The following PLAGL1 variants were observed in gnomAD, a reference collection of about 807,000 sequenced individuals.
PLAGL1 encodes the protein zinc finger protein PLAGL1.
In PLAGL1, 1 loss-of-function variant was observed where a neutral mutation model predicts 4.6. The ratio of observed to expected loss-of-function variants is 0.22; its 90% CI spans 0.08 to 1.03. PLAGL1 has a LOEUF of 1.03. Ranked by LOEUF, PLAGL1 falls within the 50% of genes least tolerant of loss-of-function variation. The probability of loss-of-function intolerance (pLI) is 0.58; values close to 1 mark genes in which losing one functional copy is unlikely to be tolerated. For missense variants in PLAGL1, 464 were observed against 570.4 expected (o/e 0.81, Z 1.90); for synonymous variants, 240 against 237.8 (o/e 1.01, Z -0.08).
intron 1 of PLAGL1, among the ~76,000 whole-genome samples, chr6:144,041,941 G>T (rs1797770520): frequency 1.3e-5 from 2 of 152,204 alleles, no homozygotes; most frequent in Admixed American, 6.5e-5. Flanking sequence ...AAGTGATGAT[G>T]AGCATTTTTT....
In PLAGL1 at chr6:143,941,875, G is replaced by A; in HGVS notation, c.941C>T (p.Ala314Val). 1 of 1,614,122 alleles carries A rather than the reference G, an allele frequency of 6.2e-7. No homozygotes were observed. The highest frequency in any genetic ancestry group is 8.5e-7 in the Non-Finnish European group (1 of 1,180,012). The change falls in exon 8 of 8, where the codon GCA becomes GTA. Residue 314 changes from alanine to valine, a missense_variant. Physicochemically the swap from Ala to Val is moderately conservative, Grantham distance 64. This residue lies in a region of PLAGL1 where 248 missense variants were observed against 250.1 expected (regional missense o/e 0.99). Transcript: ENST00000674357. This position sits in a 1 kb window ranked among gnomAD's most constrained non-coding sequence, Gnocchi z 6.0. ...AGTATCTGCTTTGAGGGGCAGGCTT[G>A]CAAGTGGGGAGTATGAGGTAGAAGT... ...NTTSTSYSPL[A>V]SLPLKADTKG... is the part of the protein sequence containing the mutation.
chr6:144,025,008 C>A (rs1342191238), intron 1 of PLAGL1, among the ~76,000 whole-genome samples: 8 of 152,166 alleles, frequency 5.3e-5, no homozygotes, highest in Admixed American at 5.2e-4. Flanking sequence ...TAAGCATAGG[C>A]TGCATGTACA....
rs2328542 is a variant in PLAGL1 at position 144,061,157 on chromosome 6, T to C, written c.-151+3311A>G. 0.57 allele frequency among the ~76,000 whole-genome samples: 87,077 copies of C among 152,138 alleles called. 25,924 individuals carry two copies. Among genetic ancestry groups the C allele is most frequent in the African/African-American group, 0.72 (30,087 of 41,514 alleles). The stretch of plus-strand genomic sequence containing the variant: ...CAGACATGCATGATTACAGCCTTTG[T>C]TCCTTTTCACTCCAGGGAGAGTCAC... On this transcript the variant is annotated intron_variant, in intron 1 of 3. Coordinates refer to the PLAGL1 transcript ENST00000437412. The surrounding 1 kb of genome is among the most constrained non-coding windows in gnomAD (Gnocchi z 4.4).
chr6:143,976,000 G>C lies in PLAGL1; in HGVS notation c.-543-7022C>G, dbSNP rs1384336387. Among the ~76,000 whole-genome samples, 1 of 152,136 alleles carries C rather than the reference G, an allele frequency of 6.6e-6. No homozygotes were observed. The highest frequency in any genetic ancestry group is 1.5e-5 in the Non-Finnish European group (1 of 68,020). On this transcript the variant is annotated intron_variant, in intron 2 of 7. Transcript: ENST00000674357. The surrounding 1 kb of genome is among the most constrained non-coding windows in gnomAD (Gnocchi z 5.8). Reference sequence around the variant, plus strand: ...ACTTCGTTGACCCTCACATTACTAAGAGAAAACAGATTAATTATGTAGCAC... The same window carrying C: ...ACTTCGTTGACCCTCACATTACTAACAGAAAACAGATTAATTATGTAGCAC...
chr6:144,043,357 C>A (rs1405693879), intron 1 of PLAGL1, among the ~76,000 whole-genome samples: 1 of 152,164 alleles, frequency 6.6e-6, no homozygotes, highest in African/African-American at 2.4e-5. Context: ...CCATCAATAC[C>A]TAGTTTACTG....
chr6:144,030,254 C>CAA (rs66563676), intron 1 of PLAGL1, among the ~76,000 whole-genome samples: 2,447 of 44,526 alleles, frequency 0.055, 582 homozygotes, highest in Non-Finnish European at 0.081. Flanking sequence ...GACTCCGTCT[C>CAA]AAAAAAAAAA....
chr6:144,020,429 AG>A (rs1475899120), intron 1 of PLAGL1, among the ~76,000 whole-genome samples: 1 of 151,952 alleles, frequency 6.6e-6, no homozygotes, highest in Non-Finnish European at 1.5e-5. Context: ...CTGGGATTAC[AG>A]GTGCGGGTCA....
At position 144,040,282 on chromosome 6, in the gene PLAGL1, A is replaced by G. The variant is rs570148119; in HGVS notation, c.-151+24186T>C. ...GGTGGCTCACACCTGTAATCCCAGCACTTTGGGAGGCTGAGGCGGGTGGAT... is the reference window on the plus strand; with the variant it reads ...GGTGGCTCACACCTGTAATCCCAGCGCTTTGGGAGGCTGAGGCGGGTGGAT... On this transcript the variant is annotated intron_variant, in intron 1 of 3. Transcript: ENST00000437412. 3.9e-5 allele frequency among the ~76,000 whole-genome samples: 6 copies of G among 152,168 alleles called. No homozygotes were observed. In the South Asian group the frequency reaches 1.2e-3, roughly 32 times the overall value.
intron 1 of PLAGL1, among the ~76,000 whole-genome samples, chr6:143,987,566 A>G (rs1789509082): frequency 6.8e-6 from 1 of 147,140 alleles, no homozygotes; most frequent in Non-Finnish European, 1.5e-5. Context: ...ATTTTCTTAA[A>G]GGTGGGTAAG....
rs1301428733 is a variant in PLAGL1, at chr6:143,957,853, G to A, written c.-325+2616C>T. 6.6e-6 allele frequency among the ~76,000 whole-genome samples: 1 copy of A among 152,188 alleles called. No homozygotes were observed. Among genetic ancestry groups the A allele is most frequent in the Non-Finnish European group, 1.5e-5 (1 of 68,022 alleles). Reference sequence around the variant, plus strand: ...TTGAAGTACAGATAACTACATGGGAGCAGGGTATCTTGACACTGGATTTAT... The same window carrying A: ...TTGAAGTACAGATAACTACATGGGAACAGGGTATCTTGACACTGGATTTAT... On this transcript the variant is annotated intron_variant, in intron 6 of 7. Transcript: ENST00000674357. This position sits in a 1 kb window ranked among gnomAD's most constrained non-coding sequence, Gnocchi z 4.2.
Position 143,987,437 on chromosome 6 carries a change from C to CTTTTTTTTTTTTT in PLAGL1, c.-583-2276_-583-2264dup, listed in dbSNP as rs71024883. Reference sequence around the variant, plus strand: ...GATCTGGCATGTGCCACCACACTGGCTTTTTTTTTTTTTTTTTTTTTTTGG... The same window carrying CTTTTTTTTTTTTT: ...GATCTGGCATGTGCCACCACACTGGCTTTTTTTTTTTTTTTTTTTTTTTTTTTTTTTTTTTTGG... On this transcript the variant is annotated intron_variant, in intron 1 of 7. Transcript: ENST00000674357. Among the ~76,000 whole-genome samples the CTTTTTTTTTTTTT allele has an allele frequency of 1.1e-4, 8 of 73,952 alleles. 1 individual carries two copies. Among genetic ancestry groups the CTTTTTTTTTTTTT allele is most frequent in the East Asian group, 4.7e-4 (1 of 2,120 alleles). 48.5% of individuals were successfully genotyped at this position (73,952 alleles called of 152,430 possible). A position where few individuals can be genotyped will look rare whatever the true frequency, so the allele number is the denominator to read the frequency against.
Position 144,054,186 on chromosome 6 carries a change from A to G in PLAGL1, c.-151+10282T>C, listed in dbSNP as rs141339275. Reference sequence around the variant, plus strand: ...ACAAAAGTATATAAAGTAAAAACTGAAAGTTTACCAGCCCCTACAACAGTC... The same window carrying G: ...ACAAAAGTATATAAAGTAAAAACTGGAAGTTTACCAGCCCCTACAACAGTC... On this transcript the variant is annotated intron_variant, in intron 1 of 3. Transcript: ENST00000437412. 3.3e-5 allele frequency among the ~76,000 whole-genome samples: 5 copies of G among 152,354 alleles called. No homozygotes were observed. In the East Asian group the frequency reaches 9.6e-4, roughly 29 times the overall value.
At chr6:144,009,669 G>GC (rs920877075), upstream of PLAGL1, among the ~76,000 whole-genome samples, 1 of 151,464 alleles carries the variant, frequency 6.6e-6, no homozygotes, top group African/African-American at 2.4e-5. Flanking sequence ...TACCCCACTA[G>GC]CCCCCCACTC....
intron 1 of PLAGL1, among the ~76,000 whole-genome samples, chr6:144,054,055 CAATT>C (rs1798765238): frequency 6.6e-6 from 1 of 152,148 alleles, no homozygotes; most frequent in Non-Finnish European, 1.5e-5. Flanking sequence ...TGTCAAATGA[CAATT>C]GTACCTATAA....
chr6:143,970,585 G>T lies in PLAGL1; in HGVS notation c.-543-1607C>A, dbSNP rs963002607. Among the ~76,000 whole-genome samples, 22 of 152,110 alleles carry T rather than the reference G, an allele frequency of 1.4e-4. No homozygotes were observed. Among genetic ancestry groups the T allele is most frequent in the African/African-American group, 5.3e-4 (22 of 41,420 alleles). ...GGCTAGATAAACGTTTATTAGGGCT[G>T]CTTTATTTGGTCAGTCTGGGTGGAC... On this transcript the variant is annotated intron_variant, in intron 2 of 7. Transcript: ENST00000674357. This position sits in a 1 kb window ranked among gnomAD's most constrained non-coding sequence, Gnocchi z 5.8.
chr6:144,034,627 C>T lies in PLAGL1; in HGVS notation c.-151+29841G>A, dbSNP rs758100581. Among the ~76,000 whole-genome samples the T allele has an allele frequency of 1.3e-5, 2 of 152,068 alleles. No individual in the cohort carries two copies. Among genetic ancestry groups the T allele is most frequent in the Non-Finnish European group, 2.9e-5 (2 of 68,024 alleles). Reference sequence around the variant, plus strand: ...CAAATTGTCATTATGCAATAATGAACCTTGGACAGCCAAAATTTCATCTAC... The same window carrying T: ...CAAATTGTCATTATGCAATAATGAATCTTGGACAGCCAAAATTTCATCTAC... On this transcript the variant is annotated intron_variant, in intron 1 of 3. Transcript: ENST00000437412. The surrounding 1 kb of genome is among the most constrained non-coding windows in gnomAD (Gnocchi z 4.7).
In PLAGL1 at chr6:143,982,932, G is replaced by A. The variant is rs1788276005; in HGVS notation, c.-544+2203C>T. On this transcript the variant is annotated intron_variant, in intron 2 of 7. Transcript: ENST00000674357. The surrounding 1 kb of genome is among the most constrained non-coding windows in gnomAD (Gnocchi z 5.3). ...ATTGGATATTTTAATCTGGAGTTTAGAGAAGAGGTCCATACTGGAGACAAT... is the reference window on the plus strand; with the variant it reads ...ATTGGATATTTTAATCTGGAGTTTAAAGAAGAGGTCCATACTGGAGACAAT... 6.6e-6 allele frequency among the ~76,000 whole-genome samples: 1 copy of A among 152,166 alleles called. No homozygotes were observed. The highest frequency in any genetic ancestry group is 2.1e-4 in the South Asian group (1 of 4,830).
At position 144,036,002 on chromosome 6, in the gene PLAGL1, G is replaced by A. The variant is rs562009880; in HGVS notation, c.-151+28466C>T. Among the ~76,000 whole-genome samples the A allele has an allele frequency of 2.6e-5, 4 of 152,062 alleles. No homozygotes were observed. Among genetic ancestry groups the A allele is most frequent in the Non-Finnish European group, 5.9e-5 (4 of 68,020 alleles). ...AGCAGGGGCATTTCTGGGTTTTATT[G>A]TGCCTGGATGGCCATCTGATTACGT... On this transcript the variant is annotated intron_variant, in intron 1 of 3. Transcript: ENST00000437412. This position sits in a 1 kb window ranked among gnomAD's most constrained non-coding sequence, Gnocchi z 5.1.
At chr6:143,976,106 C>T (rs903611860) in intron 2 of PLAGL1, among the ~76,000 whole-genome samples, 13 of 151,882 alleles carry the variant, frequency 8.6e-5, no homozygotes, top group Admixed American at 2.6e-4. Flanking sequence ...TATTACTGGG[C>T]GGTGGCATAG....
Sources: allele counts gnomAD v4.1 joint callset (sites outside exome capture counted in the v4.1 genomes callset), GRCh38; gene constraint gnomAD v4.1.1; regional missense constraint gnomAD v4.1.1; non-coding constraint Gnocchi (gnomAD v3.1); transcripts MANE v1.5; gene names NCBI Gene and HGNC (gene_info 2026-07-23, HGNC 2026-07-21).